Variants in NBPF4 observed in about 807,000 individuals in gnomAD.
NBPF4 encodes NBPF family member NBPF4.
Under a neutral mutation model 21.1 loss-of-function variants are expected in NBPF4, and 11 were observed. The ratio of observed to expected loss-of-function variants is 0.52; its 90% CI spans 0.33 to 0.86. NBPF4 has a LOEUF of 0.86. NBPF4 is among the 40% of genes least tolerant of loss of function. NBPF4 has a pLI of 0.03. For missense variants in NBPF4, 88 were observed against 265.3 expected, an observed-to-expected ratio of 0.33 and a Z score of 4.64; for synonymous variants, 47 against 106.4, an observed-to-expected ratio of 0.44 and a Z score of 3.43.
At chr1:108,264,280 A>C in the NBPF4 span, among the ~76,000 whole-genome samples, 2 of 148,924 alleles carry the variant, frequency 1.3e-5, no homozygotes, top group Non-Finnish European at 3.0e-5. Context: ...AACAAAGGTC[A>C]AAAAAGACAA....
chr1:108,244,947 T>TAC (rs372222400), upstream of NBPF4, among the ~76,000 whole-genome samples: 828 of 34,814 alleles, frequency 0.024, 112 homozygotes, highest in South Asian at 0.026. Context: ...TATATATATA[T>TAC]ACACACACAT....
the NBPF4 span, among the ~76,000 whole-genome samples, chr1:108,259,373 T>C: frequency 7.0e-6 from 1 of 143,436 alleles, no homozygotes; most frequent in Non-Finnish European, 1.5e-5. Flanking sequence ...TGTTTATCTA[T>C]AAAGTCTAGT....
At chr1:108,224,488 T>G (rs1649412404) in intron 14 of NBPF4, among the ~76,000 whole-genome samples, 1 of 146,100 alleles carries the variant, frequency 6.8e-6, no homozygotes, top group Admixed American at 7.0e-5. Flanking sequence ...GTGCTGCTGT[T>G]TCTTTGGTTG....
At chr1:108,258,536 C>T in the NBPF4 span, among the ~76,000 whole-genome samples, 4 of 140,056 alleles carry the variant, frequency 2.9e-5, no homozygotes, top group African/African-American at 8.3e-5. Flanking sequence ...CAATATCTTT[C>T]GGGGGGTGGG....
At position 108,226,737 on chromosome 1, in the gene NBPF4, G is replaced by A. The variant is rs1387157087; in HGVS notation, c.1817C>T (p.Pro606Leu). The A allele has an allele frequency of 5.6e-6, 8 of 1,420,952 alleles. No homozygotes were observed. Among genetic ancestry groups the A allele is most frequent in the African/African-American group, 3.0e-5 (2 of 66,554 alleles). The allele number at this position is 1,420,952 out of a possible 1,614,324, so 88.0% of individuals were successfully genotyped here. A position where few individuals can be genotyped will look rare whatever the true frequency, so the allele number is the denominator to read the frequency against. ...GAATGCCAGTCTCCACTTGCTGAAC[G>A]GGAGTCTTCTTCTGATGGTCTTCAG... ...LILKTIRRRL[P>L]FSKWRLAFRF... Residue 606 changes from proline (P) to leucine (L), a missense_variant, in exon 14 of 15, where the codon CCG becomes CTG. Transcript: ENST00000415641.
chr1:108,244,901 G>GAT (rs1173565670), upstream of NBPF4, among the ~76,000 whole-genome samples: 490 of 12,418 alleles, frequency 0.039, 28 homozygotes, highest in Middle Eastern at 0.056. Context: ...TATTGTTGGA[G>GAT]ATATATATAT....
At chr1:108,257,762 CTTT>C in the NBPF4 span, among the ~76,000 whole-genome samples, 8 of 54,732 alleles carry the variant, frequency 1.5e-4, no homozygotes, top group South Asian at 8.2e-4. Context: ...CTTTTCTTTT[CTTT>C]TTTTTTTTTT....
chr1:108,228,261 C>CA (rs200206286), intron 13 of NBPF4, among the ~76,000 whole-genome samples: 12 of 109,500 alleles, frequency 1.1e-4, no homozygotes, highest in African/African-American at 3.1e-4. Flanking sequence ...CCTTTTATTT[C>CA]AAAAAAAAGC....
chr1:108,224,979 T>C (rs901729400), intron 14 of NBPF4, among the ~76,000 whole-genome samples: 2 of 137,868 alleles, frequency 1.5e-5, no homozygotes, highest in Non-Finnish European at 3.2e-5. Flanking sequence ...TGACCAAAAG[T>C]AAAATTTTCA....
upstream of NBPF4, among the ~76,000 whole-genome samples, chr1:108,245,391 A>G (rs1649818151): frequency 1.7e-5 from 2 of 119,688 alleles, no homozygotes; most frequent in Admixed American, 1.8e-4. Context: ...AGCAAAGGCT[A>G]TAAATTTATC....
chr1:108,227,185 G>T, intron 13 of NBPF4, among the ~76,000 whole-genome samples: 1 of 145,908 alleles, frequency 6.9e-6, no homozygotes, highest in South Asian at 2.3e-4. Context: ...GCAAAGGCAA[G>T]GAAATAACAC....
chr1:108,229,041 A>G lies in NBPF4; in HGVS notation c.1539T>C (p.Cys513=). The stretch of plus-strand genomic sequence containing the variant: ...ACCCTTGATCCAGCTGTAGTCGCAG[A>G]CAACTGGGCACCAGGGTGCTTGGTT... ...QLEPSTLVPS[C]LRLQLDQGFH... Residue 513 remains cysteine (C), a synonymous_variant, in exon 13 of 15, where the codon TGT becomes TGC. Coordinates refer to ENST00000415641, the MANE Select transcript of NBPF4 (RefSeq NM_001143989.3). 5 of 1,550,730 alleles carry G rather than the reference A, an allele frequency of 3.2e-6. No homozygotes were observed. Among genetic ancestry groups the G allele is most frequent in the Non-Finnish European group, 4.4e-6 (5 of 1,146,386 alleles).
chr1:108,252,378 GT>G, the NBPF4 span, among the ~76,000 whole-genome samples: 1 of 19,016 alleles, frequency 5.3e-5, no homozygotes. Context: ...TTGGCTTGAA[GT>G]TTTTTTTTAA....
At chr1:108,257,583 T>C in the NBPF4 span, among the ~76,000 whole-genome samples, 6 of 143,906 alleles carry the variant, frequency 4.2e-5, no homozygotes, top group East Asian at 5.8e-4. Context: ...TTTATACACA[T>C]ATAGATGTCA....
At position 108,223,505 on chromosome 1, in the gene NBPF4, G is replaced by A; in HGVS notation, c.*200C>T. The A allele has an allele frequency of 1.5e-6, 1 of 669,724 alleles. No individual in the cohort carries two copies. The highest frequency in any genetic ancestry group is 2.7e-6 in the Non-Finnish European group (1 of 376,540). The allele number at this position is 669,724 out of a possible 1,614,324, so 41.5% of individuals were successfully genotyped here. ...TCCATCTGGGCATTGGTCTCCCTAGGTATTGATCACAATTGGAGGGGGATG... is the reference window on the plus strand; with the variant it reads ...TCCATCTGGGCATTGGTCTCCCTAGATATTGATCACAATTGGAGGGGGATG... On this transcript the variant is annotated 3_prime_UTR_variant, in exon 15 of 15. Transcript: ENST00000415641.
intron 3 of NBPF4, among the ~76,000 whole-genome samples, chr1:108,241,638 G>C (rs1649725922): frequency 1.6e-5 from 2 of 124,482 alleles, no homozygotes; most frequent in African/African-American, 5.5e-5. Flanking sequence ...GGTGCAGATG[G>C]GGTGAATTGG....
the NBPF4 span, among the ~76,000 whole-genome samples, chr1:108,256,585 CCT>C: frequency 3.2e-5 from 3 of 94,472 alleles, no homozygotes; most frequent in South Asian, 4.6e-4. Context: ...CCCCTCCCTC[CCT>C]CTCTCCCTCC....
At chr1:108,245,355 T>C (rs1649816925), upstream of NBPF4, among the ~76,000 whole-genome samples, 1 of 128,194 alleles carries the variant, frequency 7.8e-6, no homozygotes, top group Non-Finnish European at 1.6e-5. Context: ...CCACCTACAC[T>C]GTGTAGTGAC....
chr1:108,222,515 C>A lies in NBPF4; in HGVS notation c.*1190G>T, dbSNP rs1177685521. On this transcript the variant is annotated 3_prime_UTR_variant, in exon 15 of 15. Coordinates refer to ENST00000415641, the MANE Select transcript of NBPF4 (RefSeq NM_001143989.3). Reference sequence around the variant, plus strand: ...ACAGATTTAAAATTTAAAATTTTAACTGATGGACTAAAATTAATTTTGGAT... The same window carrying A: ...ACAGATTTAAAATTTAAAATTTTAAATGATGGACTAAAATTAATTTTGGAT... 1.3e-5 allele frequency among the ~76,000 whole-genome samples: 2 copies of A among 152,098 alleles called. No homozygotes were observed. Among genetic ancestry groups the A allele is most frequent in the Non-Finnish European group, 2.9e-5 (2 of 68,026 alleles).
Sources: allele counts gnomAD v4.1 joint callset (sites outside exome capture counted in the v4.1 genomes callset), GRCh38; gene constraint gnomAD v4.1.1; transcripts MANE v1.5; gene names NCBI Gene and HGNC (gene_info 2026-07-23, HGNC 2026-07-21).